Variants in JAK2 observed in about 807,000 individuals in gnomAD.
The protein encoded by JAK2 is Janus kinase 2.
In JAK2, 86 loss-of-function variants were observed where a neutral mutation model predicts 139.3. The ratio of observed to expected loss-of-function variants is 0.62; its 90% CI spans 0.52 to 0.74. The LOEUF (loss-of-function observed/expected upper bound fraction) is 0.74. Among genes scored for constraint, JAK2 ranks in the 30% least tolerant of loss-of-function variants. JAK2 has a pLI of 0.00. For synonymous variants in JAK2, 490 were observed against 437.7 expected, an observed-to-expected ratio of 1.12 and a Z score of -1.49; for missense variants, 1,421 against 1,360.3, an observed-to-expected ratio of 1.04 and a Z score of -0.70.
chr9:4,993,075 T>G (rs1820353373), intron 2 of JAK2, among the ~76,000 whole-genome samples: 2 of 152,182 alleles, frequency 1.3e-5, no homozygotes, highest in African/African-American at 4.8e-5. Context: ...ATAGCAACTG[T>G]CCCTTTCATT....
Position 5,080,652 on chromosome 9 carries a change from C to G in JAK2, c.2403C>G (p.Ile801Met), listed in dbSNP as rs2130609263. Residue 801 changes from isoleucine to methionine, a missense_variant, in exon 18 of 25, where the codon ATC becomes ATG. Transcript: ENST00000381652. ...EPDFRPSFRA[I>M]IRDLNSLFTP... ...ATTTCAGGCCTTCTTTCAGAGCCAT[C>G]ATACGAGATCTTAACAGTTTGTTTA... The G allele has an allele frequency of 6.3e-7, 1 of 1,597,896 alleles. No homozygotes were observed. Among genetic ancestry groups the G allele is most frequent in the Non-Finnish European group, 8.5e-7 (1 of 1,175,238 alleles).
chr9:5,087,565 C>T (rs921058435), intron 19 of JAK2, among the ~76,000 whole-genome samples: 10 of 152,158 alleles, frequency 6.6e-5, no homozygotes, highest in Admixed American at 2.0e-4. Context: ...TTCTTCATCT[C>T]CTTCTTCCAT....
intron 7 of JAK2, 47 bp from the exon 8 acceptor site, chr9:5,055,622 C>T (rs1178475912): frequency 2.1e-6 from 3 of 1,429,886 alleles, no homozygotes; most frequent in East Asian, 2.3e-5. Flanking sequence ...TTTAAAATGG[C>T]TCTGTAAATT....
At chr9:5,061,995 T>C (rs1818209661) in intron 8 of JAK2, among the ~76,000 whole-genome samples, 1 of 152,144 alleles carries the variant, frequency 6.6e-6, no homozygotes, top group Non-Finnish European at 1.5e-5. Flanking sequence ...AGCTATTCGG[T>C]GGAGCAGTCA....
At chr9:5,085,754 T>C (rs1820043473) in intron 19 of JAK2, 1 of 755,596 alleles carries the variant, frequency 1.3e-6, no homozygotes, top group African/African-American at 1.7e-5. Flanking sequence ...GCTGGCTAGC[T>C]TGCACATGTC....
rs943077770 is a variant in JAK2, at chr9:5,129,039, C to T, written c.*2248C>T. Among the ~76,000 whole-genome samples the T allele has an allele frequency of 3.3e-5, 5 of 151,888 alleles. No individual in the cohort carries two copies. The highest frequency in any genetic ancestry group is 4.4e-5 in the Non-Finnish European group (3 of 67,880). The stretch of plus-strand genomic sequence containing the variant: ...ATGCTGCCAGTAACACTATAATTTG[C>T]TATGGAAGAGTGTTCTTTTAACCTA... On this transcript the variant is annotated 3_prime_UTR_variant, in exon 25 of 25. Coordinates refer to ENST00000381652, the MANE Select transcript of JAK2 (RefSeq NM_004972.4).
Position 5,055,787 on chromosome 9 carries a change from T to G in JAK2, c.1055T>G (p.Leu352Arg), listed in dbSNP as rs1225613568. The change falls in exon 8 of 25, where the codon CTG becomes CGG. Residue 352 changes from leucine to arginine, a missense_variant and splice_region_variant. Physicochemically the swap from Leu to Arg is moderately radical, Grantham distance 102. Transcript: ENST00000381652. ...ATCCATAAGCAAGATGGTAAAAATC[T>G]GGTAAGTTTGCTTTATGATTGAATA... ...VTIHKQDGKN[L>R]EIELSSLREA... is the part of the protein sequence containing the mutation. The G allele has an allele frequency of 6.2e-7, 1 of 1,609,386 alleles. No individual in the cohort carries two copies. The highest frequency in any genetic ancestry group is 1.1e-5 in the South Asian group (1 of 90,716).
chr9:5,023,399 T>C (rs758651388), intron 3 of JAK2, among the ~76,000 whole-genome samples: 72 of 152,212 alleles, frequency 4.7e-4, no homozygotes, highest in Non-Finnish European at 8.5e-4. Flanking sequence ...GAGCTGGGCT[T>C]CAAAATATCA....
At chr9:5,104,677 C>A (rs928158544) in intron 22 of JAK2, among the ~76,000 whole-genome samples, 5 of 152,168 alleles carry the variant, frequency 3.3e-5, no homozygotes, top group Non-Finnish European at 7.4e-5. Context: ...CTGGCAAACC[C>A]AATCCAGCAG....
intron 2 of JAK2, among the ~76,000 whole-genome samples, chr9:5,010,246 T>C (rs1821603446): frequency 1.3e-5 from 2 of 152,216 alleles, no homozygotes; most frequent in Non-Finnish European, 2.9e-5. Flanking sequence ...TTTTAGCTAC[T>C]GTTGTTACCT....
In JAK2 at chr9:5,129,147, G is replaced by C. The variant is rs1377894912; in HGVS notation, c.*2356G>C. On this transcript the variant is annotated 3_prime_UTR_variant, in exon 25 of 25. Coordinates refer to ENST00000381652, the MANE Select transcript of JAK2 (RefSeq NM_004972.4). ...AAATTTTATTTAAACAGCTACAAAAGAGTTAGCAAATACCTACAGTTCTGT... is the reference window on the plus strand; with the variant it reads ...AAATTTTATTTAAACAGCTACAAAACAGTTAGCAAATACCTACAGTTCTGT... Among the ~76,000 whole-genome samples, 1 of 151,988 alleles carries C rather than the reference G, an allele frequency of 6.6e-6. No homozygotes were observed. Among genetic ancestry groups the C allele is most frequent in the African/African-American group, 2.4e-5 (1 of 41,430 alleles).
chr9:5,023,985 G>C (rs894532381), intron 3 of JAK2, among the ~76,000 whole-genome samples: 1 of 152,018 alleles, frequency 6.6e-6, no homozygotes, highest in African/African-American at 2.4e-5. Context: ...GGCCGGGCAC[G>C]GTGGCTTACA....
intron 18 of JAK2, among the ~76,000 whole-genome samples, chr9:5,081,020 T>G (rs1032985136): frequency 6.6e-6 from 1 of 150,546 alleles, no homozygotes; most frequent in Non-Finnish European, 1.5e-5. Context: ...CTCAGCCTCC[T>G]GAGTAGCTGG....
intron 22 of JAK2, chr9:5,111,738 G>T: frequency 2.3e-6 from 1 of 429,388 alleles, no homozygotes; most frequent in South Asian, 1.7e-5. Flanking sequence ...GTGGGCTACC[G>T]GCTGCACGGA....
rs75454817 is a variant in JAK2 at position 5,040,494 on chromosome 9, C to G, written c.351-3909C>G. Among the ~76,000 whole-genome samples, 456 of 152,298 alleles carry G rather than the reference C, an allele frequency of 3.0e-3. 1 individual carries two copies. The highest frequency in any genetic ancestry group is 0.011 in the African/African-American group (438 of 41,552). On this transcript the variant is annotated intron_variant, in intron 4 of 24. Coordinates refer to ENST00000381652, the MANE Select transcript of JAK2 (RefSeq NM_004972.4). ...AAAAACATCTGTGTGTCAAAGCACA[C>G]TATCAAAAATGCGAAAAGACCACCC... is the stretch of plus-strand genomic sequence containing the variant.
At chr9:5,114,178 C>T (rs1003567692) in intron 22 of JAK2, 12 of 437,862 alleles carry the variant, frequency 2.7e-5, no homozygotes, top group Admixed American at 8.9e-5. Context: ...GATTCTAACC[C>T]GCAAGGGGTG....
rs1824191398 is a variant in JAK2 at position 5,129,256 on chromosome 9, C to G, written c.*2465C>G. ...ATGTTAATTTCTTTAGCATGCTCCCCCTAAATTGAAATAGTGATGTAGTAA... is the reference window on the plus strand; with the variant it reads ...ATGTTAATTTCTTTAGCATGCTCCCGCTAAATTGAAATAGTGATGTAGTAA... On this transcript the variant is annotated 3_prime_UTR_variant, in exon 25 of 25. Transcript: ENST00000381652. 6.6e-6 allele frequency among the ~76,000 whole-genome samples: 1 copy of G among 152,004 alleles called. No individual in the cohort carries two copies. The highest frequency in any genetic ancestry group is 6.5e-5 in the Admixed American group (1 of 15,270).
At chr9:5,074,663 A>G (rs1819193025) in intron 14 of JAK2, among the ~76,000 whole-genome samples, 1 of 152,196 alleles carries the variant, frequency 6.6e-6, no homozygotes. Flanking sequence ...TGAGACAACA[A>G]TATTAAAATT....
At chr9:5,019,781 T>C (rs1822294507) in intron 2 of JAK2, among the ~76,000 whole-genome samples, 1 of 152,112 alleles carries the variant, frequency 6.6e-6, no homozygotes, top group South Asian at 2.1e-4. Context: ...GTGTAGTCTC[T>C]GTAAGATTTT....
Sources: allele counts gnomAD v4.1 joint callset (sites outside exome capture counted in the v4.1 genomes callset), GRCh38; gene constraint gnomAD v4.1.1; transcripts MANE v1.5; gene names NCBI Gene and HGNC (gene_info 2026-07-23, HGNC 2026-07-21).